Variants in GTF2F2 observed in about 807,000 individuals in gnomAD.
GTF2F2 encodes the protein general transcription factor IIF subunit 2.
A neutral mutation model predicts 42.2 loss-of-function variants in GTF2F2; 23 were observed. The observed-to-expected ratio is 0.55, with a 90% CI of 0.39 to 0.77. GTF2F2 has a LOEUF of 0.77. Among genes scored for constraint, GTF2F2 ranks in the 30% least tolerant of loss-of-function variants. The pLI is 0.00. For missense variants in GTF2F2, 261 were observed against 287.2 expected, an observed-to-expected ratio of 0.91 and a Z score of 0.66; for synonymous variants, 105 against 100.8, an observed-to-expected ratio of 1.04 and a Z score of -0.25.
At chr13:45,194,331 T>A (rs1302209728) in intron 4 of GTF2F2, 2 of 1,614,180 alleles carry the variant, frequency 1.2e-6, no homozygotes, top group South Asian at 1.1e-5. Flanking sequence ...CATCCCTGTC[T>A]ATGAAATAAT....
At chr13:45,198,312 T>C (rs1873003645) in intron 4 of GTF2F2, among the ~76,000 whole-genome samples, 1 of 152,250 alleles carries the variant, frequency 6.6e-6, no homozygotes, top group Admixed American at 6.5e-5. Flanking sequence ...CATTGTAATA[T>C]ATACACTTGC....
intron 4 of GTF2F2, among the ~76,000 whole-genome samples, chr13:45,172,195 A>G (rs187878288): frequency 6.6e-6 from 1 of 152,214 alleles, no homozygotes; most frequent in Admixed American, 6.5e-5. Flanking sequence ...CCCTTTGATT[A>G]TAGCCAACCA....
intron 4 of GTF2F2, among the ~76,000 whole-genome samples, chr13:45,186,180 G>T (rs1365135426): frequency 6.6e-6 from 1 of 151,392 alleles, no homozygotes; most frequent in Non-Finnish European, 1.5e-5. Flanking sequence ...TTGCCATGTT[G>T]CCCTGGCTGG....
chr13:45,229,951 C>G (rs927541373), intron 5 of GTF2F2, among the ~76,000 whole-genome samples: 2 of 152,058 alleles, frequency 1.3e-5, no homozygotes, highest in Non-Finnish European at 2.9e-5. Flanking sequence ...TGCGGTGACT[C>G]ACACCTGTAA....
At chr13:45,175,641 A>C (rs1871840436) in intron 4 of GTF2F2, among the ~76,000 whole-genome samples, 1 of 151,420 alleles carries the variant, frequency 6.6e-6, no homozygotes, top group Non-Finnish European at 1.5e-5. Context: ...CTTTTTTTTG[A>C]GATGAAGGTT....
chr13:45,182,815 C>T (rs1351864236), intron 4 of GTF2F2, among the ~76,000 whole-genome samples: 1 of 152,140 alleles, frequency 6.6e-6, no homozygotes, highest in Non-Finnish European at 1.5e-5. Context: ...ACAGAGGCTT[C>T]TTTCCTGGTT....
At chr13:45,234,551 CCTA>C (rs1160447098) in intron 5 of GTF2F2, among the ~76,000 whole-genome samples, 1 of 151,958 alleles carries the variant, frequency 6.6e-6, no homozygotes, top group Non-Finnish European at 1.5e-5. Flanking sequence ...ATGCCTTTTT[CCTA>C]CTAATAGCAA....
At chr13:45,179,478 G>A (rs114236536) in intron 4 of GTF2F2, among the ~76,000 whole-genome samples, 1,819 of 152,304 alleles carry the variant, frequency 0.012, 31 homozygotes, top group African/African-American at 0.037. Flanking sequence ...ACCCTAGTTA[G>A]TTTATCAGGA....
intron 5 of GTF2F2, among the ~76,000 whole-genome samples, chr13:45,218,916 T>C (rs1873996953): frequency 6.6e-6 from 1 of 152,226 alleles, no homozygotes. Flanking sequence ...TCTGTCTTGC[T>C]TGAGACTGTA....
intron 5 of GTF2F2, among the ~76,000 whole-genome samples, chr13:45,213,101 CAG>C (rs1873759618): frequency 6.7e-6 from 1 of 149,700 alleles, no homozygotes; most frequent in African/African-American, 2.5e-5. Flanking sequence ...TTTTTTGAGA[CAG>C]AGTCTCGCTC....
intron 5 of GTF2F2, among the ~76,000 whole-genome samples, chr13:45,241,184 A>AATAT (rs71697631): frequency 0.011 from 1,598 of 143,866 alleles, 19 homozygotes; most frequent in East Asian, 0.027. Flanking sequence ...ATAAATATAA[A>AATAT]ATATATATAT....
chr13:45,275,547 G>T (rs1361699064), intron 7 of GTF2F2, among the ~76,000 whole-genome samples: 1 of 147,336 alleles, frequency 6.8e-6, no homozygotes, highest in African/African-American at 2.5e-5. Flanking sequence ...GTGAGAACAT[G>T]CGGTATTTGG....
chr13:45,183,987 CTG>C (rs902924942), intron 4 of GTF2F2, among the ~76,000 whole-genome samples: 8 of 151,952 alleles, frequency 5.3e-5, no homozygotes, highest in Non-Finnish European at 1.2e-4. Flanking sequence ...TCCTGAGTAA[CTG>C]GGATTACAAG....
chr13:45,256,540 CCAAA>C (rs1432404615), intron 6 of GTF2F2, among the ~76,000 whole-genome samples: 3 of 151,986 alleles, frequency 2.0e-5, no homozygotes, highest in Non-Finnish European at 4.4e-5. Flanking sequence ...ATTTTTACAT[CCAAA>C]CAAAGATTGA....
At chr13:45,146,079 C>T (rs554752718) in intron 2 of GTF2F2, among the ~76,000 whole-genome samples, 2 of 152,230 alleles carry the variant, frequency 1.3e-5, no homozygotes, top group South Asian at 4.1e-4. Context: ...CCAGTGGCAT[C>T]CTCTTCACCC....
intron 4 of GTF2F2, among the ~76,000 whole-genome samples, chr13:45,202,286 C>CAG (rs1873228209): frequency 6.6e-6 from 1 of 152,154 alleles, no homozygotes; most frequent in Admixed American, 6.5e-5. Flanking sequence ...ACCCAGGAGG[C>CAG]AGAGGCAGGA....
At chr13:45,266,937 C>T (rs1278640681) in intron 6 of GTF2F2, among the ~76,000 whole-genome samples, 2 of 152,176 alleles carry the variant, frequency 1.3e-5, no homozygotes. Flanking sequence ...CACCTGAGGT[C>T]AGGAGTTCCA....
At chr13:45,274,828 C>T (rs186340655) in intron 7 of GTF2F2, among the ~76,000 whole-genome samples, 110 of 151,978 alleles carry the variant, frequency 7.2e-4, no homozygotes, top group Admixed American at 1.3e-3. Flanking sequence ...CTATAGTTCC[C>T]GGCTACTTGG....
intron 7 of GTF2F2, among the ~76,000 whole-genome samples, chr13:45,279,258 T>G (rs1312819819): frequency 6.6e-6 from 1 of 152,200 alleles, no homozygotes; most frequent in East Asian, 1.9e-4. Context: ...TATATGAATG[T>G]TAAAAAGAGA....
Sources: gnomAD v4.1 joint callset for allele counts (sites outside exome capture counted in the v4.1 genomes callset) on GRCh38, gnomAD v4.1.1 for gene constraint, MANE v1.5 for transcripts, NCBI Gene and HGNC (gene_info 2026-07-23, HGNC 2026-07-21) for gene names.